The following JCAD variants were observed in gnomAD, a reference collection of about 807,000 sequenced individuals.
JCAD encodes junctional cadherin 5-associated protein.
Under a neutral mutation model 98.0 loss-of-function variants are expected in JCAD, and 40 were observed. The observed-to-expected ratio is 0.41, with a 90% CI of 0.32 to 0.53. The LOEUF (loss-of-function observed/expected upper bound fraction) is 0.53, where lower values mean the gene tolerates loss of function less well. Ranked by LOEUF, JCAD falls within the 20% of genes least tolerant of loss-of-function variation. JCAD has a pLI of 0.31. For missense variants in JCAD, 1,705 were observed against 1,738.1 expected, an observed-to-expected ratio of 0.98 and a Z score of 0.34; for synonymous variants, 691 against 682.3, an observed-to-expected ratio of 1.01 and a Z score of -0.20.
At chr10:30,025,906 A>G in intron 3 of JCAD, 197 bp downstream of exon 3, 5 of 660,598 alleles carry the variant, frequency 7.6e-6, no homozygotes, top group African/African-American at 1.8e-5. Context: ...AATAAAATAT[A>G]CTGCAAGATC....
chr10:30,036,908 A>T (rs1050478615), intron 2 of JCAD, among the ~76,000 whole-genome samples: 1 of 152,152 alleles, frequency 6.6e-6, no homozygotes, highest in African/African-American at 2.4e-5. Flanking sequence ...TTCCAACCCT[A>T]GTGTCATGTT....
At chr10:30,092,698 G>A (rs776304612) in intron 1 of JCAD, among the ~76,000 whole-genome samples, 15 of 152,104 alleles carry the variant, frequency 9.9e-5, no homozygotes, top group Non-Finnish European at 8.8e-5. Context: ...GAGCTTTAAC[G>A]TTCCCAGCTT....
intron 1 of JCAD, among the ~76,000 whole-genome samples, chr10:30,108,719 GCTT>G (rs1838632876): frequency 6.6e-6 from 1 of 152,036 alleles, no homozygotes; most frequent in Non-Finnish European, 1.5e-5. Flanking sequence ...GCCACTACAT[GCTT>G]CTTCTTTAAG....
chr10:30,086,643 G>C (rs1224640713), intron 1 of JCAD, among the ~76,000 whole-genome samples: 2 of 152,160 alleles, frequency 1.3e-5, no homozygotes, highest in Admixed American at 6.5e-5. Context: ...ACAAACAAAA[G>C]TCATCCCTGC....
intron 2 of JCAD, among the ~76,000 whole-genome samples, chr10:30,068,661 C>A (rs1386435180): frequency 6.6e-6 from 1 of 152,200 alleles, no homozygotes. Context: ...CTTCATTAAT[C>A]ACAGGGCCAA....
At chr10:30,108,039 G>A (rs1838617950) in intron 1 of JCAD, among the ~76,000 whole-genome samples, 1 of 152,128 alleles carries the variant, frequency 6.6e-6, no homozygotes, top group Non-Finnish European at 1.5e-5. Context: ...GTGGCCGGGT[G>A]CGGTGGCTCA....
Position 30,029,563 on chromosome 10 carries a change from T to G in JCAD, c.585A>C (p.Leu195Phe). The G allele has an allele frequency of 6.2e-7, 1 of 1,614,256 alleles. No homozygotes were observed. Reference sequence around the variant, plus strand: ...CATCTCCATCAGACATCTGCCTCCCTAATTTCCTTGGCTGGTTCCAGCTTT... The same window carrying G: ...CATCTCCATCAGACATCTGCCTCCCGAATTTCCTTGGCTGGTTCCAGCTTT... The part of the protein sequence containing the change: ...SLESWNQPRK[L>F]GRQMSDGDGE... Residue 195 changes from leucine (L) to phenylalanine (F), a missense_variant, in exon 3 of 4, where the codon TTA becomes TTC. Physicochemically the swap from Leu to Phe is conservative, Grantham distance 22. Coordinates refer to ENST00000375377, the MANE Select transcript of JCAD (RefSeq NM_020848.4).
intron 1 of JCAD, among the ~76,000 whole-genome samples, chr10:30,110,273 T>A (rs1054589916): frequency 1.7e-4 from 25 of 151,384 alleles, no homozygotes; most frequent in African/African-American, 5.1e-4. Flanking sequence ...ATGGGCCAGC[T>A]GATGTATAGA....
chr10:30,080,559 T>C (rs1331566079), intron 1 of JCAD, among the ~76,000 whole-genome samples: 2 of 152,230 alleles, frequency 1.3e-5, no homozygotes, highest in African/African-American at 4.8e-5. Flanking sequence ...CATTTCTCCA[T>C]TGACAAACCT....
Position 30,028,118 on chromosome 10 carries a change from T to C in JCAD, c.2030A>G (p.His677Arg). The change falls in exon 3 of 4, where the codon CAT becomes CGT. Residue 677 changes from histidine to arginine, a missense_variant. By Grantham distance (29) the His-to-Arg change is conservative. This residue lies in a region of JCAD where 1,278 missense variants were observed against 1,243.1 expected (regional missense o/e 1.03). Coordinates refer to ENST00000375377, the MANE Select transcript of JCAD (RefSeq NM_020848.4). ...IHLTKHRELK[H>R]SGSWPGHRYR... ...CCGGTGCCCTGGCCAAGAGCCAGAA[T>C]GCTTGAGTTCTCTGTGCTTTGTAAG... The C allele has an allele frequency of 6.2e-7, 1 of 1,614,242 alleles. No homozygotes were observed. The highest frequency in any genetic ancestry group is 1.1e-5 in the South Asian group (1 of 91,086).
At chr10:30,067,332 T>C (rs2132666872) in intron 2 of JCAD, among the ~76,000 whole-genome samples, 1 of 152,146 alleles carries the variant, frequency 6.6e-6, no homozygotes, top group East Asian at 1.9e-4. Context: ...TTTCTGTTTT[T>C]TTTTTGAGAC....
In JCAD at chr10:30,028,717, T is replaced by G. The variant is rs754110142; in HGVS notation, c.1431A>C (p.Pro477=). The G allele has an allele frequency of 5.0e-6, 8 of 1,613,688 alleles. No homozygotes were observed. The highest frequency in any genetic ancestry group is 6.8e-6 in the Non-Finnish European group (8 of 1,179,730). The part of the protein sequence containing the change: ...GMQPDGAIWN[P]QSLIPPSGDE... ...CCCCCGACGGGGGTATTAAGCTCTG[T>G]GGATTCCAAATGGCACCATCAGGCT... is the stretch of plus-strand genomic sequence containing the variant. The change falls in exon 3 of 4, where the codon CCA becomes CCC. Residue 477 remains proline, a synonymous_variant. Coordinates refer to ENST00000375377, the MANE Select transcript of JCAD (RefSeq NM_020848.4).
intron 1 of JCAD, among the ~76,000 whole-genome samples, chr10:30,092,098 T>TTAAATATACATATATATATATATA (rs11268260): frequency 2.2e-5 from 1 of 44,598 alleles, no homozygotes; most frequent in African/African-American, 1.2e-4. Context: ...TAAAGTTACT[T>TTAAATATACATATATATATATATA]TATATATATA....
intron 2 of JCAD, among the ~76,000 whole-genome samples, chr10:30,041,198 G>C (rs1324991987): frequency 1.3e-5 from 2 of 152,040 alleles, no homozygotes; most frequent in East Asian, 2.0e-4. Context: ...CCACACTTAC[G>C]AACGAGACCA....
rs1837649464 is a variant in JCAD at position 30,059,184 on chromosome 10, G to C, written c.-60+298C>G. ...GCTAACGCCAGCCGCGGCCCGCGGTGCCCGCCCCGGGACCCCCGCGCTCCG... is the reference window on the plus strand; with the variant it reads ...GCTAACGCCAGCCGCGGCCCGCGGTCCCCGCCCCGGGACCCCCGCGCTCCG... On this transcript the variant is annotated intron_variant, in intron 1 of 3. Coordinates refer to ENST00000375377, the MANE Select transcript of JCAD (RefSeq NM_020848.4). This position sits in a 1 kb window ranked among gnomAD's most constrained non-coding sequence, Gnocchi z 5.0. Among the ~76,000 whole-genome samples the C allele has an allele frequency of 6.6e-6, 1 of 151,666 alleles. No homozygotes were observed. Among genetic ancestry groups the C allele is most frequent in the Non-Finnish European group, 1.5e-5 (1 of 67,850 alleles).
At chr10:30,034,028 G>A (rs1837057704) in intron 2 of JCAD, among the ~76,000 whole-genome samples, 1 of 151,926 alleles carries the variant, frequency 6.6e-6, no homozygotes, top group Non-Finnish European at 1.5e-5. Context: ...TATGAGACCA[G>A]CCTGGCCAAC....
chr10:30,049,084 C>T (rs570386847), intron 1 of JCAD, among the ~76,000 whole-genome samples: 2 of 152,312 alleles, frequency 1.3e-5, no homozygotes, highest in Non-Finnish European at 2.9e-5. Context: ...GGGAGAGCCG[C>T]CCTGTTTATT....
chr10:30,090,920 G>A (rs764908900), intron 1 of JCAD, among the ~76,000 whole-genome samples: 4 of 152,202 alleles, frequency 2.6e-5, no homozygotes, highest in Non-Finnish European at 4.4e-5. Context: ...CAAAGCCTTG[G>A]AAAACAACAG....
At chr10:30,100,146 C>T (rs915843378) in intron 1 of JCAD, among the ~76,000 whole-genome samples, 5 of 152,144 alleles carry the variant, frequency 3.3e-5, no homozygotes, top group African/African-American at 4.8e-5. Flanking sequence ...TCTGTAAAGG[C>T]GCACCCTTCT....
Sources: gnomAD v4.1 joint callset for allele counts (sites outside exome capture counted in the v4.1 genomes callset) on GRCh38, gnomAD v4.1.1 for gene constraint, gnomAD v4.1.1 regional missense constraint, Gnocchi (gnomAD v3.1) non-coding constraint, MANE v1.5 for transcripts, NCBI Gene and HGNC (gene_info 2026-07-23, HGNC 2026-07-21) for gene names.